The following ZFHX3 variants were observed in gnomAD, a reference collection of about 807,000 sequenced individuals.
The protein encoded by ZFHX3 is zinc finger homeobox protein 3.
In ZFHX3, 42 loss-of-function variants were observed where a neutral mutation model predicts 279.1. The ratio of observed to expected loss-of-function variants is 0.15; its 90% confidence interval spans 0.12 to 0.19. The LOEUF (loss-of-function observed/expected upper bound fraction) is 0.19, where lower values mean the gene tolerates loss of function less well. ZFHX3 is among the 10% of genes least tolerant of loss of function. The pLI is 1.00. For synonymous variants in ZFHX3, 2,293 were observed against 1,957.8 expected, an observed-to-expected ratio of 1.17 and a Z score of -4.52; for missense variants, 4,981 against 4,754.0, an observed-to-expected ratio of 1.05 and a Z score of -1.40.
intron 1 of ZFHX3, among the ~76,000 whole-genome samples, chr16:73,731,985 C>T (rs1382711299): frequency 6.6e-6 from 1 of 152,138 alleles, no homozygotes; most frequent in Non-Finnish European, 1.5e-5. Flanking sequence ...AAAATATGAA[C>T]CCTACTTGGG....
Position 72,829,854 on chromosome 16 carries a change from C to T in ZFHX3, c.3454G>A (p.Ala1152Thr). ...CTGGGTCCTTCAACATCTTCAATGG[C>T]TTCTTCTGAAACAGAAGAAAAACAT... Reference protein sequence around the residue: ...RRCPSTDPEEAIEDVEGPSET... With the variant: ...RRCPSTDPEETIEDVEGPSET... The change falls in exon 5 of 10, where the codon GCC becomes ACC. Residue 1152 changes from alanine (A) to threonine (T), a missense_variant. This residue lies in a region of ZFHX3 where 1,751 missense variants were observed against 1,770.0 expected (regional missense o/e 0.99). Coordinates refer to ENST00000268489, the MANE Select transcript of ZFHX3 (RefSeq NM_006885.4). The T allele has an allele frequency of 6.2e-7, 1 of 1,614,174 alleles. No individual in the cohort carries two copies. Among genetic ancestry groups the T allele is most frequent in the Non-Finnish European group, 8.5e-7 (1 of 1,180,036 alleles).
chr16:73,565,063 G>A (rs143494842), intron 2 of ZFHX3, among the ~76,000 whole-genome samples: 3 of 152,146 alleles, frequency 2.0e-5, no homozygotes, highest in Non-Finnish European at 4.4e-5. Context: ...GAAGAGCATG[G>A]CCAACATGGT....
chr16:73,457,920 C>T (rs1426701066), intron 2 of ZFHX3, among the ~76,000 whole-genome samples: 1 of 152,214 alleles, frequency 6.6e-6, no homozygotes, highest in Non-Finnish European at 1.5e-5. Context: ...CAACTTCCTT[C>T]CCAGGAAGAT....
chr16:72,946,711 C>T (rs1408777994), intron 3 of ZFHX3, among the ~76,000 whole-genome samples: 1 of 152,138 alleles, frequency 6.6e-6, no homozygotes, highest in Non-Finnish European at 1.5e-5. Flanking sequence ...GTACACTAGC[C>T]GTGGGAGAGG....
intron 4 of ZFHX3, among the ~76,000 whole-genome samples, chr16:72,830,978 G>T (rs1414897311): frequency 1.3e-5 from 2 of 152,164 alleles, no homozygotes; most frequent in African/African-American, 2.4e-5. Context: ...TTAGAACACT[G>T]GATCAGGCCT....
At chr16:73,220,686 G>A (rs1462195976) in intron 5 of ZFHX3, among the ~76,000 whole-genome samples, 1 of 152,150 alleles carries the variant, frequency 6.6e-6, no homozygotes, top group Non-Finnish European at 1.5e-5. Flanking sequence ...GAGCTGAAAT[G>A]TATGTACCCT....
At chr16:73,269,250 T>TCAC (rs1183341704) in intron 4 of ZFHX3, among the ~76,000 whole-genome samples, 5 of 152,248 alleles carry the variant, frequency 3.3e-5, no homozygotes, top group South Asian at 2.1e-4. Flanking sequence ...AACAGGCACA[T>TCAC]CACCACCACC....
intron 5 of ZFHX3, among the ~76,000 whole-genome samples, chr16:73,174,524 G>A (rs1172916987): frequency 6.6e-6 from 1 of 152,012 alleles, no homozygotes; most frequent in African/African-American, 2.4e-5. Context: ...CTCACTGCTT[G>A]GGCTGCCTCT....
At chr16:72,804,575 T>A (rs938831320) in intron 7 of ZFHX3, among the ~76,000 whole-genome samples, 1 of 152,142 alleles carries the variant, frequency 6.6e-6, no homozygotes, top group Non-Finnish European at 1.5e-5. Flanking sequence ...TCTTCCTAGT[T>A]TGGTTCATTA....
chr16:73,741,534 A>G (rs1326318534), intron 1 of ZFHX3, among the ~76,000 whole-genome samples: 1 of 152,094 alleles, frequency 6.6e-6, no homozygotes, highest in Non-Finnish European at 1.5e-5. Context: ...TGTTTTCTCT[A>G]TTGTACTTCA....
chr16:73,710,400 C>G (rs1214275989), intron 1 of ZFHX3, among the ~76,000 whole-genome samples: 1 of 152,184 alleles, frequency 6.6e-6, no homozygotes, highest in Admixed American at 6.5e-5. Context: ...GTAACAGAAG[C>G]TAATTTTCAC....
upstream of ZFHX3, among the ~76,000 whole-genome samples, chr16:73,064,124 G>GA (rs1965718247): frequency 6.6e-6 from 1 of 152,074 alleles, no homozygotes; most frequent in South Asian, 2.1e-4. Flanking sequence ...TTTTTGGTGG[G>GA]AAAAGAAAAC....
rs375437367 is a variant in ZFHX3, at chr16:72,812,067, A to T, written c.3530-29T>A. The T allele has an allele frequency of 5.0e-6, 8 of 1,611,618 alleles. No individual in the cohort carries two copies. In the African/African-American group the frequency reaches 1.1e-4, roughly 21 times the overall value. Reference sequence around the variant, plus strand: ...AAAGAGAAAGTAGAAGATGCAATACAGCAGCCAGACCAGGCCAGCTCCCAG... The same window carrying T: ...AAAGAGAAAGTAGAAGATGCAATACTGCAGCCAGACCAGGCCAGCTCCCAG... On this transcript the variant is annotated intron_variant, in intron 5 of 9. Coordinates refer to ENST00000268489, the MANE Select transcript of ZFHX3 (RefSeq NM_006885.4).
intron 3 of ZFHX3, among the ~76,000 whole-genome samples, chr16:73,356,240 T>G (rs1202405126): frequency 6.6e-6 from 1 of 152,204 alleles, no homozygotes; most frequent in African/African-American, 2.4e-5. Context: ...AGACAGGACC[T>G]AATTGATTGC....
At chr16:72,898,817 A>G (rs73590769) in intron 3 of ZFHX3, among the ~76,000 whole-genome samples, 1,571 of 152,016 alleles carry the variant, frequency 0.01, 27 homozygotes, top group African/African-American at 0.034. Flanking sequence ...TATGATGGTG[A>G]ATGAACACCC....
At position 72,901,814 on chromosome 16, in the gene ZFHX3, C is replaced by G. The variant is rs2039044510; in HGVS notation, c.3217-11852G>C. ...GCCACGTGGCGAGAGGGCCACAGTT[C>G]TGCAAACGATGACACTGCTCATTTC... On this transcript the variant is annotated intron_variant, in intron 3 of 9. Coordinates refer to ENST00000268489, the MANE Select transcript of ZFHX3 (RefSeq NM_006885.4). 4.6e-5 allele frequency among the ~76,000 whole-genome samples: 7 copies of G among 152,314 alleles called. No homozygotes were observed. In the South Asian group the frequency reaches 1.5e-3, roughly 32 times the overall value.
chr16:73,328,669 C>T (rs1284855237), intron 3 of ZFHX3, among the ~76,000 whole-genome samples: 4 of 152,172 alleles, frequency 2.6e-5, no homozygotes, highest in Non-Finnish European at 5.9e-5. Flanking sequence ...ATGAAATAAA[C>T]AGGCAAACCA....
intron 4 of ZFHX3, among the ~76,000 whole-genome samples, chr16:72,844,006 C>G (rs1296181219): frequency 1.3e-5 from 2 of 152,144 alleles, no homozygotes; most frequent in Non-Finnish European, 2.9e-5. Flanking sequence ...CTCCCCCTCT[C>G]CTACATCCGC....
At chr16:73,224,558 T>C (rs908188228) in intron 5 of ZFHX3, among the ~76,000 whole-genome samples, 1 of 152,178 alleles carries the variant, frequency 6.6e-6, no homozygotes, top group Admixed American at 6.5e-5. Flanking sequence ...TCTGAGTAAG[T>C]GCCTGGCACC....
Sources: allele counts gnomAD v4.1 joint callset (sites outside exome capture counted in the v4.1 genomes callset), GRCh38; gene constraint gnomAD v4.1.1; regional missense constraint gnomAD v4.1.1; transcripts MANE v1.5; gene names NCBI Gene and HGNC (gene_info 2026-07-23, HGNC 2026-07-21).